Variants in CREG2 observed in about 807,000 individuals in gnomAD.
CREG2 encodes protein CREG2.
Under a neutral mutation model 26.2 loss-of-function variants are expected in CREG2, and 24 were observed. That is an observed-to-expected ratio of 0.92 (90% CI 0.66 to 1.29). CREG2 has a LOEUF of 1.29. CREG2 is among the 50% of genes most tolerant of loss of function. The pLI is 0.00. For synonymous variants in CREG2, 174 were observed against 169.2 expected (o/e 1.03, Z -0.22); for missense variants, 366 against 398.6 (o/e 0.92, Z 0.70).
rs779411927 is a variant in CREG2, at chr2:101,346,687, G to A, written c.*4236C>T. ...TTTTATTAGGGACTAATAAGAGAGA[G>A]AGTATAAATGCTTTATTAAGCTAAG... is the stretch of plus-strand genomic sequence containing the variant. On this transcript the variant is annotated 3_prime_UTR_variant, in exon 4 of 4. Transcript: ENST00000324768. 9 of 152,224 alleles carry A rather than the reference G, an allele frequency of 5.9e-5. No homozygotes were observed. Among genetic ancestry groups the A allele is most frequent in the Non-Finnish European group, 1.2e-4 (8 of 68,044 alleles). The allele number at this position is 152,224 out of a possible 1,614,324, so 9.4% of individuals were successfully genotyped here.
intron 2 of CREG2, among the ~76,000 whole-genome samples, chr2:101,366,917 T>C (rs1475832513): frequency 6.6e-6 from 1 of 152,126 alleles, no homozygotes; most frequent in African/African-American, 2.4e-5. Flanking sequence ...TTATAAGTAA[T>C]CTAGAGATGA....
In CREG2 at chr2:101,345,563, T is replaced by A. The variant is rs1684291846; in HGVS notation, c.*5360A>T. The A allele has an allele frequency of 6.6e-6, 1 of 152,144 alleles. No homozygotes were observed. Among genetic ancestry groups the A allele is most frequent in the African/African-American group, 2.4e-5 (1 of 41,444 alleles). The allele number at this position is 152,144 out of a possible 1,614,324, so 9.4% of individuals were successfully genotyped here. On this transcript the variant is annotated 3_prime_UTR_variant, in exon 4 of 4. Coordinates refer to ENST00000324768, the MANE Select transcript of CREG2 (RefSeq NM_153836.4). ...AAGGACTATATATCAATATCATAAA[T>A]TCATTTAATCAAGCACACAAATCAT...
At chr2:101,353,211 G>A (rs1270728086) in intron 3 of CREG2, among the ~76,000 whole-genome samples, 3 of 152,176 alleles carry the variant, frequency 2.0e-5, no homozygotes, top group East Asian at 3.8e-4. Flanking sequence ...TAGGTTGCCC[G>A]TTTGCTCTCT....
chr2:101,350,357 C>G lies in CREG2; in HGVS notation c.*566G>C, dbSNP rs1684359763. 1 of 152,442 alleles carries G rather than the reference C, an allele frequency of 6.6e-6. No homozygotes were observed. The highest frequency in any genetic ancestry group is 2.1e-4 in the South Asian group (1 of 4,840). 9.4% of individuals were successfully genotyped at this position (152,442 alleles called of 1,614,324 possible). On this transcript the variant is annotated 3_prime_UTR_variant, in exon 4 of 4. Transcript: ENST00000324768. ...TTTTCATGTTATGGTGGGAGAAAAG[C>G]TGCATTCTAGCCAGTATGACCTAAT...
intron 3 of CREG2, among the ~76,000 whole-genome samples, chr2:101,354,510 T>C (rs1026084706): frequency 2.6e-5 from 4 of 152,100 alleles, no homozygotes; most frequent in African/African-American, 4.8e-5. Context: ...CTTGCCTTCG[T>C]GTTACTCTCC....
At chr2:101,386,931 C>G in intron 1 of CREG2, 86 bp downstream of exon 1, 2 of 1,201,958 alleles carry the variant, frequency 1.7e-6, no homozygotes, top group Non-Finnish European at 2.1e-6. Flanking sequence ...ATCTCAGTCC[C>G]GAGCGGTCGC....
intron 2 of CREG2, among the ~76,000 whole-genome samples, chr2:101,369,077 C>G (rs1271902810): frequency 6.6e-6 from 1 of 152,170 alleles, no homozygotes; most frequent in Admixed American, 6.5e-5. Flanking sequence ...GACTTTAGAA[C>G]TTTCTCCAAA....
rs376296122 is a variant in CREG2, at chr2:101,350,689, A to G, written c.*234T>C. 2.0e-6 allele frequency: 1 copy of G among 490,670 alleles called. No individual in the cohort carries two copies. The highest frequency in any genetic ancestry group is 3.6e-6 in the Non-Finnish European group (1 of 276,092). The allele number at this position is 490,670 out of a possible 1,614,324, so 30.4% of individuals were successfully genotyped here. ...AATCGATGAGTCTGGATTGAATACA[A>G]TGGAATAAAGACTATCTACGTGAAG... On this transcript the variant is annotated 3_prime_UTR_variant, in exon 4 of 4. Transcript: ENST00000324768.
chr2:101,347,679 G>A lies in CREG2; in HGVS notation c.*3244C>T, dbSNP rs1684325694. 1 of 151,936 alleles carries A rather than the reference G, an allele frequency of 6.6e-6. No individual in the cohort carries two copies. The highest frequency in any genetic ancestry group is 6.6e-5 in the Admixed American group (1 of 15,254). The allele number at this position is 151,936 out of a possible 1,614,324, so 9.4% of individuals were successfully genotyped here. ...TCCATTTTCTAATTAGAATTTTTTAGCTGTTGAGTTTTGACAGTTCTTTAT... is the reference window on the plus strand; with the variant it reads ...TCCATTTTCTAATTAGAATTTTTTAACTGTTGAGTTTTGACAGTTCTTTAT... On this transcript the variant is annotated 3_prime_UTR_variant, in exon 4 of 4. Coordinates refer to ENST00000324768, the MANE Select transcript of CREG2 (RefSeq NM_153836.4).
chr2:101,354,638 G>A (rs936114278), intron 3 of CREG2, among the ~76,000 whole-genome samples: 7 of 152,238 alleles, frequency 4.6e-5, no homozygotes, highest in South Asian at 2.1e-4. Flanking sequence ...GGCCACCCCC[G>A]CGTGCATGCG....
intron 2 of CREG2, among the ~76,000 whole-genome samples, chr2:101,361,846 A>G (rs1012090347): frequency 6.6e-6 from 1 of 152,174 alleles, no homozygotes; most frequent in Non-Finnish European, 1.5e-5. Context: ...GCTAGGCAAG[A>G]GGGCCCTGAG....
chr2:101,379,969 TTCTATCTATCTATCTATCTATCTA>T (rs34370954), intron 2 of CREG2, among the ~76,000 whole-genome samples: 1 of 147,742 alleles, frequency 6.8e-6, no homozygotes, highest in Non-Finnish European at 1.5e-5. Context: ...GTGTGAAAGC[TTCTATCTATCTATCTATCTATCTA>T]TCTATCTATC....
At position 101,349,607 on chromosome 2, in the gene CREG2, G is replaced by GAT. The variant is rs977105976; in HGVS notation, c.*1314_*1315dup. On this transcript the variant is annotated 3_prime_UTR_variant, in exon 4 of 4. Transcript: ENST00000324768. ...TAGGTTTTAATGATCAGAGGTCTTA[G>GAT]ATATATATACATAGGTCCATGTAGA... 3.3e-4 allele frequency: 51 copies of GAT among 152,580 alleles called. 1 individual carries two copies. Among genetic ancestry groups the GAT allele is most frequent in the Admixed American group, 2.9e-3 (44 of 15,284 alleles). 9.5% of individuals were successfully genotyped at this position (152,580 alleles called of 1,614,324 possible). A position where few individuals can be genotyped will look rare whatever the true frequency, so the allele number is the denominator to read the frequency against.
rs1433808120 is a variant in CREG2 at position 101,350,019 on chromosome 2, T to G, written c.*904A>C. The G allele has an allele frequency of 2.6e-5, 4 of 152,258 alleles. No homozygotes were observed. Among genetic ancestry groups the G allele is most frequent in the African/African-American group, 9.6e-5 (4 of 41,462 alleles). The allele number at this position is 152,258 out of a possible 1,614,324, so 9.4% of individuals were successfully genotyped here. On this transcript the variant is annotated 3_prime_UTR_variant, in exon 4 of 4. Transcript: ENST00000324768. Reference sequence around the variant, plus strand: ...TGCAGGGCTTAAATGAGATGGCTTCTGTTGAGGGCCTGGCCCAGGGCCGGG... The same window carrying G: ...TGCAGGGCTTAAATGAGATGGCTTCGGTTGAGGGCCTGGCCCAGGGCCGGG...
intron 1 of CREG2, among the ~76,000 whole-genome samples, chr2:101,385,527 G>A (rs999616171): frequency 6.6e-6 from 1 of 152,178 alleles, no homozygotes; most frequent in African/African-American, 2.4e-5. Context: ...TTCCAGTCAA[G>A]CATCCCAATT....
At chr2:101,386,873 AGT>A (rs768905378) in intron 1 of CREG2, 142 bp downstream of exon 1, 195 of 809,692 alleles carry the variant, frequency 2.4e-4, no homozygotes, top group Non-Finnish European at 2.8e-4. Flanking sequence ...CATTATGTAC[AGT>A]GTCGAGGGTC....
chr2:101,376,283 CTT>C (rs11325970), intron 2 of CREG2, among the ~76,000 whole-genome samples: 103 of 146,436 alleles, frequency 7.0e-4, no homozygotes, highest in East Asian at 2.0e-3. Context: ...TTTTCTTTTT[CTT>C]TTTTTTTTTT....
chr2:101,373,086 C>T (rs1684736877), intron 2 of CREG2, among the ~76,000 whole-genome samples: 1 of 152,174 alleles, frequency 6.6e-6, no homozygotes, highest in Admixed American at 6.5e-5. Context: ...TACCATAAGA[C>T]CTAGCAATTC....
At chr2:101,356,890 T>TAAAGCTGTCACC (rs1684470060) in intron 2 of CREG2, among the ~76,000 whole-genome samples, 1 of 151,852 alleles carries the variant, frequency 6.6e-6, no homozygotes, top group African/African-American at 2.4e-5. Flanking sequence ...GAAGGGAACT[T>TAAAGCTGTCACC]TTTCTTCTTT....
Sources: gnomAD v4.1 joint callset for allele counts (sites outside exome capture counted in the v4.1 genomes callset) on GRCh38, gnomAD v4.1.1 for gene constraint, MANE v1.5 for transcripts, NCBI Gene and HGNC (gene_info 2026-07-23, HGNC 2026-07-21) for gene names.